The following DGKG variants were observed in gnomAD, a reference collection of about 807,000 sequenced individuals.
The protein encoded by DGKG is DAG kinase gamma.
DGKG carries 78 observed loss-of-function variants against 105.3 expected under a neutral mutation model. That is an observed-to-expected ratio of 0.74 (90% CI 0.62 to 0.89). The LOEUF (loss-of-function observed/expected upper bound fraction) is 0.89, where lower values mean the gene tolerates loss of function less well. Ranked by LOEUF, DGKG falls within the 40% of genes least tolerant of loss-of-function variation. DGKG has a pLI of 0.00. For missense variants in DGKG, 958 were observed against 1,020.1 expected, an observed-to-expected ratio of 0.94 and a Z score of 0.83; for synonymous variants, 346 against 367.1, an observed-to-expected ratio of 0.94 and a Z score of 0.66.
chr3:186,174,947 C>A (rs1315768390), intron 22 of DGKG, among the ~76,000 whole-genome samples: 12 of 152,102 alleles, frequency 7.9e-5, no homozygotes, highest in Non-Finnish European at 1.0e-4. Context: ...TCTGGATAAT[C>A]CCATTGGGAA....
chr3:186,195,304 A>C (rs954648230), intron 21 of DGKG, among the ~76,000 whole-genome samples: 2 of 149,260 alleles, frequency 1.3e-5, no homozygotes, highest in Non-Finnish European at 3.0e-5. Context: ...AAACAAAAAA[A>C]CAAACAAAAA....
At chr3:186,355,895 G>A (rs965839036) in intron 1 of DGKG, among the ~76,000 whole-genome samples, 2 of 152,202 alleles carry the variant, frequency 1.3e-5, no homozygotes, top group African/African-American at 4.8e-5. Flanking sequence ...ATGGGATGTG[G>A]AATGAGCTTT....
intron 1 of DGKG, among the ~76,000 whole-genome samples, chr3:186,337,887 G>A (rs1194203334): frequency 1.3e-5 from 2 of 152,060 alleles, no homozygotes; most frequent in Non-Finnish European, 2.9e-5. Context: ...AAAGTAGAAT[G>A]GGCTGGGCAC....
chr3:186,268,685 A>G, intron 12 of DGKG, 116 bp downstream of exon 12: 2 of 707,254 alleles, frequency 2.8e-6, no homozygotes, highest in South Asian at 3.4e-5. Flanking sequence ...GGGTCCTCCT[A>G]GCCTCGCTCC....
chr3:186,267,549 A>AAAAG (rs1306270747), intron 13 of DGKG, 136 bp downstream of exon 13: 2 of 702,638 alleles, frequency 2.8e-6, no homozygotes, highest in African/African-American at 3.6e-5. Context: ...TAACAGTAAA[A>AAAAG]AAAGAAAGAA....
At chr3:186,321,049 G>A (rs1003860643) in intron 1 of DGKG, among the ~76,000 whole-genome samples, 2 of 152,244 alleles carry the variant, frequency 1.3e-5, no homozygotes, top group African/African-American at 4.8e-5. Flanking sequence ...AGGAACAGGA[G>A]CCTATGCAGC....
At chr3:186,327,222 CTT>C (rs1725384800) in intron 1 of DGKG, among the ~76,000 whole-genome samples, 1 of 152,082 alleles carries the variant, frequency 6.6e-6, no homozygotes, top group African/African-American at 2.4e-5. Flanking sequence ...TCCTCTTACT[CTT>C]TTCCCATCTC....
intron 20 of DGKG, among the ~76,000 whole-genome samples, chr3:186,220,022 T>C (rs972299074): frequency 8.5e-5 from 13 of 152,206 alleles, no homozygotes; most frequent in African/African-American, 2.7e-4. Flanking sequence ...TAAAATAGTA[T>C]TTGTGCATTT....
intron 22 of DGKG, among the ~76,000 whole-genome samples, chr3:186,172,118 A>T (rs1716852592): frequency 6.6e-6 from 1 of 152,178 alleles, no homozygotes; most frequent in Admixed American, 6.5e-5. Flanking sequence ...AAGTGCTGGG[A>T]TTACAGGTGT....
At chr3:186,348,975 T>A (rs987078858) in intron 1 of DGKG, among the ~76,000 whole-genome samples, 20 of 149,156 alleles carry the variant, frequency 1.3e-4, no homozygotes, top group African/African-American at 4.9e-4. Context: ...TGTCAGGAAA[T>A]TTTTTTTTAT....
In DGKG at chr3:186,361,040, C is replaced by G. The variant is rs577442439; in HGVS notation, c.-249+906G>C. 6.6e-6 allele frequency among the ~76,000 whole-genome samples: 1 copy of G among 152,232 alleles called. No homozygotes were observed. Among genetic ancestry groups the G allele is most frequent in the Non-Finnish European group, 1.5e-5 (1 of 68,038 alleles). ...ACAGATCGCTTCGCGCTGCAGCAGA[C>G]GCTCCCGCCGCGGGGGGCGACTGGG... On this transcript the variant is annotated intron_variant, in intron 1 of 24. Coordinates refer to ENST00000265022, the MANE Select transcript of DGKG (RefSeq NM_001346.3). This position sits in a 1 kb window ranked among gnomAD's most constrained non-coding sequence, Gnocchi z 6.8.
intron 20 of DGKG, among the ~76,000 whole-genome samples, chr3:186,234,770 G>A (rs1287004388): frequency 2.6e-5 from 4 of 152,110 alleles, no homozygotes; most frequent in South Asian, 2.1e-4. Context: ...GTTCCCACGC[G>A]GACTAGGGAC....
intron 3 of DGKG, among the ~76,000 whole-genome samples, chr3:186,303,784 C>G (rs749120974): frequency 1.9e-4 from 29 of 152,314 alleles, no homozygotes; most frequent in African/African-American, 6.7e-4. Context: ...ATGTTCATCA[C>G]GGCCAGATGC....
In DGKG at chr3:186,149,994, G is replaced by T; in HGVS notation, c.*96C>A. 6.7e-7 allele frequency: 1 copy of T among 1,497,896 alleles called. No homozygotes were observed. The highest frequency in any genetic ancestry group is 8.9e-7 in the Non-Finnish European group (1 of 1,124,794). 92.8% of individuals were successfully genotyped at this position (1,497,896 alleles called of 1,614,324 possible). A position where few individuals can be genotyped will look rare whatever the true frequency, so the allele number is the denominator to read the frequency against. ...TAGAGAAGAGTGTGTATGTGTGTGTGTGTGTGCATGTGTGAGTGTGCACAT... is the reference window on the plus strand; with the variant it reads ...TAGAGAAGAGTGTGTATGTGTGTGTTTGTGTGCATGTGTGAGTGTGCACAT... On this transcript the variant is annotated 3_prime_UTR_variant, in exon 25 of 25. Coordinates refer to ENST00000265022, the MANE Select transcript of DGKG (RefSeq NM_001346.3).
intron 11 of DGKG, among the ~76,000 whole-genome samples, chr3:186,270,480 C>G (rs1722265031): frequency 6.6e-6 from 1 of 152,194 alleles, no homozygotes; most frequent in Admixed American, 6.5e-5. Flanking sequence ...TAAGGCCTCC[C>G]CTAAGAATGT....
intron 2 of DGKG, among the ~76,000 whole-genome samples, chr3:186,311,639 T>G (rs1326881214): frequency 1.3e-5 from 2 of 152,178 alleles, no homozygotes; most frequent in East Asian, 3.9e-4. Context: ...TTGAGCAAAT[T>G]CAAAGCCTTT....
In DGKG at chr3:186,320,635, C is replaced by G. The variant is rs549579626; in HGVS notation, c.-176G>C. On this transcript the variant is annotated 5_prime_UTR_variant, in exon 2 of 25. Coordinates refer to ENST00000265022, the MANE Select transcript of DGKG (RefSeq NM_001346.3). ...AGCAGGCACCTCTCAGAAGATGAGA[C>G]AAGATCTCTGCTATTCCTTAGGCAA... is the stretch of plus-strand genomic sequence containing the variant. The G allele has an allele frequency of 8.7e-6, 9 of 1,035,662 alleles. No individual in the cohort carries two copies. Among genetic ancestry groups the G allele is most frequent in the Middle Eastern group, 3.1e-4 (1 of 3,192 alleles). 64.2% of individuals were successfully genotyped at this position (1,035,662 alleles called of 1,614,324 possible). A position where few individuals can be genotyped will look rare whatever the true frequency, so the allele number is the denominator to read the frequency against.
At chr3:186,275,722 AG>A (rs1722550981) in intron 9 of DGKG, 58 bp from the exon 10 acceptor site, 1 of 1,164,462 alleles carries the variant, frequency 8.6e-7, no homozygotes, top group Non-Finnish European at 1.3e-6. Flanking sequence ...GGAGGAAGCC[AG>A]GGGCTGCCTC....
intron 12 of DGKG, among the ~76,000 whole-genome samples, chr3:186,268,026 G>A (rs1468532353): frequency 1.3e-5 from 2 of 152,238 alleles, no homozygotes; most frequent in South Asian, 2.1e-4. Context: ...ACACAGTCAT[G>A]AGCCGGCCTG....
Sources: gnomAD v4.1 joint callset for allele counts (sites outside exome capture counted in the v4.1 genomes callset) on GRCh38, gnomAD v4.1.1 for gene constraint, Gnocchi (gnomAD v3.1) non-coding constraint, MANE v1.5 for transcripts, NCBI Gene and HGNC (gene_info 2026-07-23, HGNC 2026-07-21) for gene names.